Variants in LOXHD1 observed in about 807,000 individuals in gnomAD.
LOXHD1 encodes the protein lipoxygenase homology PLAT domains 1, also known as lipoxygenase homology domain-containing protein 1.
Under a neutral mutation model 248.2 loss-of-function variants are expected in LOXHD1, and 205 were observed. The observed-to-expected ratio is 0.83, with a 90% CI of 0.74 to 0.93. The LOEUF (loss-of-function observed/expected upper bound fraction) is 0.93. Among genes scored for constraint, LOXHD1 ranks in the 40% least tolerant of loss-of-function variants. The pLI, the probability that LOXHD1 is intolerant of heterozygous loss-of-function variation, is 0.00. For missense variants in LOXHD1, 2,930 were observed against 2,971.6 expected (o/e 0.99, Z 0.33); for synonymous variants, 1,113 against 1,162.8 (o/e 0.96, Z 0.87).
At chr18:46,631,119 AG>A (rs1378427686) in intron 4 of LOXHD1, among the ~76,000 whole-genome samples, 1 of 152,180 alleles carries the variant, frequency 6.6e-6, no homozygotes, top group Non-Finnish European at 1.5e-5. Flanking sequence ...CAAGCCCCTA[AG>A]TCCCAGTGGC....
Position 46,533,192 on chromosome 18 carries a change from C to A in LOXHD1, c.4345G>T (p.Val1449Phe). The A allele has an allele frequency of 6.4e-7, 1 of 1,551,750 alleles. No homozygotes were observed. Among genetic ancestry groups the A allele is most frequent in the Non-Finnish European group, 8.7e-7 (1 of 1,146,998 alleles). ...KYMKDGSLRQ[V>F]YKEVEEPLDI... ...AGAGGCTCTTCTACTTCCTTGTAGA[C>A]TTGCCGTAAGGACCCATCTTTCATG... The change falls in exon 28 of 41, where the codon GTC (valine) becomes TTC (phenylalanine). Residue 1449 changes from valine to phenylalanine, a missense_variant. Transcript: ENST00000642948.
chr18:46,591,034 T>C (rs2038158584), intron 12 of LOXHD1, among the ~76,000 whole-genome samples: 1 of 152,194 alleles, frequency 6.6e-6, no homozygotes, highest in Non-Finnish European at 1.5e-5. Flanking sequence ...ATCAAACTGT[T>C]TCAACAAATA....
chr18:46,558,933 T>C, intron 20 of LOXHD1: 1 of 385,688 alleles, frequency 2.6e-6, no homozygotes, highest in Non-Finnish European at 5.2e-6. Flanking sequence ...CACTGGGGCT[T>C]AGCACCGACC....
In LOXHD1 at chr18:46,577,845, G is replaced by A. The variant is rs1149438; in HGVS notation, c.1832C>T (p.Ser611Phe). 1 of 1,551,654 alleles carries A rather than the reference G, an allele frequency of 6.4e-7. No homozygotes were observed. Among genetic ancestry groups the A allele is most frequent in the Non-Finnish European group, 8.7e-7 (1 of 1,146,988 alleles). Residue 611 changes from serine (S) to phenylalanine (F), a missense_variant, in exon 14 of 41, where the codon TCT (serine) becomes TTT (phenylalanine). Coordinates refer to ENST00000642948, the MANE Select transcript of LOXHD1 (RefSeq NM_001384474.1). ...KGNADEFTIE[S>F]VTMRNVRRVR... ...CCGCCTCACATTCCGCATGGTGACA[G>A]ACTCGATAGTGAACTCGTCAGCCTT...
chr18:46,621,533 C>G (rs563315769), intron 4 of LOXHD1, among the ~76,000 whole-genome samples: 3 of 152,166 alleles, frequency 2.0e-5, no homozygotes, highest in South Asian at 2.1e-4. Flanking sequence ...GGGCATCAAG[C>G]CTTCCTGTCA....
intron 21 of LOXHD1, among the ~76,000 whole-genome samples, chr18:46,550,288 T>C (rs2037034258): frequency 1.3e-5 from 2 of 152,138 alleles, no homozygotes; most frequent in Admixed American, 6.5e-5. Context: ...AGAGTCAGCG[T>C]GTGGGCCGGG....
At chr18:46,495,449 G>A (rs2033795657) in intron 37 of LOXHD1, among the ~76,000 whole-genome samples, 1 of 152,062 alleles carries the variant, frequency 6.6e-6, no homozygotes, top group Admixed American at 6.6e-5. Context: ...ATCACCATTT[G>A]TAACCTTAAT....
At chr18:46,649,511 G>A (rs960784968) in intron 1 of LOXHD1, among the ~76,000 whole-genome samples, 8 of 152,216 alleles carry the variant, frequency 5.3e-5, no homozygotes, top group East Asian at 1.9e-4. Flanking sequence ...CAAGAGGGCA[G>A]GTCCTGCACG....
intron 38 of LOXHD1, 131 bp from the exon 39 acceptor site, chr18:46,485,282 G>C (rs111361852): frequency 7.8e-5 from 78 of 1,004,446 alleles, no homozygotes; most frequent in Middle Eastern, 3.0e-4. Context: ...GGGGAGGCAG[G>C]TTAAAAGCAC....
chr18:46,559,540 C>G lies in LOXHD1; in HGVS notation c.3124G>C (p.Val1042Leu), dbSNP rs558768319. 124 of 1,551,990 alleles carry G rather than the reference C, an allele frequency of 8.0e-5. 2 individuals are homozygous for G. In the South Asian group the frequency reaches 1.4e-3, roughly 18 times the overall value. ...NVPKAGTDAN[V>L]YLTIYGEEYG... The stretch of plus-strand genomic sequence containing the variant: ...TCCTCGCCGTAGATGGTTAGGTAGA[C>G]GTTAGCATCAGTGCCGGCCTTGGGC... Residue 1042 changes from valine (V) to leucine (L), a missense_variant, in exon 20 of 41, where the codon GTC (valine) becomes CTC (leucine). Coordinates refer to ENST00000642948, the MANE Select transcript of LOXHD1 (RefSeq NM_001384474.1).
In LOXHD1 at chr18:46,506,585, G is replaced by C. The variant is rs1172853717; in HGVS notation, c.5693-562C>G. On this transcript the variant is annotated intron_variant, in intron 36 of 40. Coordinates refer to ENST00000642948, the MANE Select transcript of LOXHD1 (RefSeq NM_001384474.1). ...TCAATGAATTTATTATTTTCTGAGT[G>C]CATCATAAAGGGATGGAGGGGTCTG... Among the ~76,000 whole-genome samples the C allele has an allele frequency of 4.6e-5, 7 of 152,346 alleles. No individual in the cohort carries two copies. The South Asian group carries it at 1.5e-3, about 32-fold the overall frequency.
At chr18:46,512,282 C>A (rs1284929924) in intron 34 of LOXHD1, among the ~76,000 whole-genome samples, 2 of 152,126 alleles carry the variant, frequency 1.3e-5, no homozygotes, top group African/African-American at 2.4e-5. Context: ...TGACCAATGG[C>A]TCCACCTGGA....
chr18:46,629,768 A>G (rs2038794486), intron 4 of LOXHD1, among the ~76,000 whole-genome samples: 1 of 150,674 alleles, frequency 6.6e-6, no homozygotes, highest in Non-Finnish European at 1.5e-5. Flanking sequence ...TTCAGCCCCC[A>G]GCTCCAGCTT....
intron 16 of LOXHD1, 61 bp from the exon 17 acceptor site, chr18:46,566,510 A>C (rs1444860164): frequency 7.1e-7 from 1 of 1,412,074 alleles, no homozygotes; most frequent in African/African-American, 1.4e-5. Context: ...CCATGATCCC[A>C]TCCCTACCTC....
chr18:46,629,435 T>C (rs2038789698), intron 4 of LOXHD1, among the ~76,000 whole-genome samples: 1 of 152,230 alleles, frequency 6.6e-6, no homozygotes, highest in African/African-American at 2.4e-5. Flanking sequence ...GGTACTTTCA[T>C]TTTGCATTTG....
chr18:46,586,499 G>A (rs1480967090), intron 12 of LOXHD1, among the ~76,000 whole-genome samples: 1 of 152,210 alleles, frequency 6.6e-6, no homozygotes, highest in Non-Finnish European at 1.5e-5. Flanking sequence ...AGGCTGGAGT[G>A]CAATGGCGCG....
At chr18:46,603,197 G>A (rs1232516593) in intron 7 of LOXHD1, among the ~76,000 whole-genome samples, 3 of 152,188 alleles carry the variant, frequency 2.0e-5, no homozygotes, top group South Asian at 2.1e-4. Flanking sequence ...ACAGGAATTC[G>A]AGAGGCAGAA....
intron 37 of LOXHD1, among the ~76,000 whole-genome samples, chr18:46,490,189 G>A (rs2033363665): frequency 6.6e-6 from 1 of 152,192 alleles, no homozygotes; most frequent in Non-Finnish European, 1.5e-5. Flanking sequence ...CCAGTGGTTT[G>A]GCAGGTTACT....
chr18:46,568,666 C>T (rs115841696), intron 16 of LOXHD1, among the ~76,000 whole-genome samples: 2,528 of 152,172 alleles, frequency 0.017, 70 homozygotes, highest in African/African-American at 0.054. Flanking sequence ...CATGTGCTGA[C>T]CTCCCCATTA....
Sources: gnomAD v4.1 joint callset for allele counts (sites outside exome capture counted in the v4.1 genomes callset) on GRCh38, gnomAD v4.1.1 for gene constraint, MANE v1.5 for transcripts, NCBI Gene and HGNC (gene_info 2026-07-23, HGNC 2026-07-21) for gene names.